TOP6BL: variants seen among roughly 807,000 people sequenced by gnomAD.
The protein encoded by TOP6BL is TOP6B like initiator of meiotic double strand breaks, also known as type 2 DNA topoisomerase 6 subunit B-like.
the TOP6BL span, among the ~76,000 whole-genome samples, chr11:66,764,050 A>G: frequency 6.6e-6 from 1 of 152,198 alleles, no homozygotes; most frequent in Non-Finnish European, 1.5e-5. Context: ...AGTAGTGAAC[A>G]AGACAGATTT....
At chr11:66,758,175 T>G in the TOP6BL span, 179 of 978,798 alleles carry the variant, frequency 1.8e-4, no homozygotes, top group Non-Finnish European at 2.1e-4. Context: ...GATCTTTTTG[T>G]CCCCTCGTTG....
the TOP6BL span, chr11:66,838,394 G>C: frequency 5.6e-6 from 9 of 1,613,932 alleles, no homozygotes; most frequent in Non-Finnish European, 7.6e-6. Flanking sequence ...AAAGGACTCA[G>C]CCCAGGGCAC....
At chr11:66,793,151 G>A in the TOP6BL span, among the ~76,000 whole-genome samples, 2 of 151,384 alleles carry the variant, frequency 1.3e-5, no homozygotes, top group Non-Finnish European at 1.5e-5. Flanking sequence ...GCAGTGGCAC[G>A]ATCTCAGCTC....
At chr11:66,772,539 C>T in the TOP6BL span, among the ~76,000 whole-genome samples, 4 of 152,110 alleles carry the variant, frequency 2.6e-5, no homozygotes, top group African/African-American at 7.2e-5. Context: ...GAGGCTGAGG[C>T]GGGCAGATCA....
At chr11:66,764,534 G>C in the TOP6BL span, among the ~76,000 whole-genome samples, 2 of 151,358 alleles carry the variant, frequency 1.3e-5, no homozygotes, top group Admixed American at 6.6e-5. Flanking sequence ...GGGTGGTAGT[G>C]GGCACCTGTA....
the TOP6BL span, among the ~76,000 whole-genome samples, chr11:66,832,105 T>C: frequency 3.3e-5 from 5 of 151,868 alleles, no homozygotes. Context: ...TTCTTTTTTT[T>C]TTCTTTTTTT....
chr11:66,824,560 A>G, the TOP6BL span, among the ~76,000 whole-genome samples: 1 of 150,938 alleles, frequency 6.6e-6, no homozygotes, highest in Non-Finnish European at 1.5e-5. Context: ...CTCGTCATTT[A>G]ACATTAGGTA....
chr11:66,821,772 G>A, the TOP6BL span: 1 of 1,612,702 alleles, frequency 6.2e-7, no homozygotes, highest in Non-Finnish European at 8.5e-7. Flanking sequence ...AAGGTAATAA[G>A]GAATTCACAG....
At chr11:66,842,940 C>T in the TOP6BL span, 6 of 1,557,724 alleles carry the variant, frequency 3.9e-6, no homozygotes, top group Non-Finnish European at 5.2e-6. Context: ...GGGCCCCGAG[C>T]CCGTCAGAGG....
chr11:66,819,883 A>G, the TOP6BL span, among the ~76,000 whole-genome samples: 1 of 146,878 alleles, frequency 6.8e-6, no homozygotes, highest in Non-Finnish European at 1.5e-5. Context: ...AGCTCGGGCA[A>G]CAAGAGCAAA....
chr11:66,753,136 A>AT, the TOP6BL span, among the ~76,000 whole-genome samples: 6 of 151,958 alleles, frequency 3.9e-5, no homozygotes, highest in East Asian at 1.9e-4. Context: ...CTCCAAAAAA[A>AT]AATATATATA....
chr11:66,775,687 C>G, the TOP6BL span, among the ~76,000 whole-genome samples: 1 of 152,090 alleles, frequency 6.6e-6, no homozygotes, highest in African/African-American at 2.4e-5. Flanking sequence ...GTTCTGCAAC[C>G]TCTTAACTGG....
the TOP6BL span, among the ~76,000 whole-genome samples, chr11:66,780,277 T>C: frequency 2.0e-5 from 3 of 152,190 alleles, no homozygotes; most frequent in Non-Finnish European, 4.4e-5. Flanking sequence ...ATTTTTGCTC[T>C]GAAAAGCTAG....
chr11:66,816,935 C>T, the TOP6BL span, among the ~76,000 whole-genome samples: 2 of 152,066 alleles, frequency 1.3e-5, no homozygotes, highest in Admixed American at 1.3e-4. Flanking sequence ...GGGTGGATCA[C>T]TTGCAGCCAG....
the TOP6BL span, among the ~76,000 whole-genome samples, chr11:66,778,708 A>T: frequency 3.3e-5 from 5 of 152,220 alleles, no homozygotes; most frequent in African/African-American, 1.2e-4. Flanking sequence ...TTGCCAAGTC[A>T]ATCTTAAGCC....
chr11:66,823,180 G>A, the TOP6BL span, among the ~76,000 whole-genome samples: 1 of 151,384 alleles, frequency 6.6e-6, no homozygotes, highest in Non-Finnish European at 1.5e-5. Context: ...TGTAATCTCA[G>A]CTACTCAGAA....
the TOP6BL span, among the ~76,000 whole-genome samples, chr11:66,770,592 T>A: frequency 1.3e-5 from 2 of 151,956 alleles, no homozygotes; most frequent in Non-Finnish European, 2.9e-5. Context: ...TAATCCCAGC[T>A]ACTTGGGAGG....
At chr11:66,749,399 C>T in the TOP6BL span, among the ~76,000 whole-genome samples, 1 of 151,952 alleles carries the variant, frequency 6.6e-6, no homozygotes, top group East Asian at 1.9e-4. Flanking sequence ...AAACTCTGGC[C>T]AGGGTAGCAA....
chr11:66,744,815 G>GA, the TOP6BL span: 9 of 1,294,416 alleles, frequency 7.0e-6, no homozygotes, highest in African/African-American at 1.4e-4. Flanking sequence ...CCGGGCTGAG[G>GA]AGGGGGCGGC....
Sources: allele counts gnomAD v4.1 joint callset (sites outside exome capture counted in the v4.1 genomes callset), GRCh38; gene constraint gnomAD v4.1.1; transcripts MANE v1.5; gene names NCBI Gene and HGNC (gene_info 2026-07-23, HGNC 2026-07-21).